DNM3: variants seen among roughly 807,000 people sequenced by gnomAD.
DNM3 encodes dynamin 3.
A neutral mutation model predicts 101.6 loss-of-function variants in DNM3; 47 were observed. That is an observed-to-expected ratio of 0.46 (90% CI 0.37 to 0.59). The LOEUF (loss-of-function observed/expected upper bound fraction) is 0.59. DNM3 is among the 20% of genes least tolerant of loss of function. DNM3 has a pLI of 0.00. For synonymous variants in DNM3, 385 were observed against 387.9 expected, an observed-to-expected ratio of 0.99 and a Z score of 0.09; for missense variants, 849 against 1,085.7, an observed-to-expected ratio of 0.78 and a Z score of 3.06.
At chr1:171,915,753 C>T (rs1284161863) in intron 1 of DNM3, among the ~76,000 whole-genome samples, 1 of 151,932 alleles carries the variant, frequency 6.6e-6, no homozygotes, top group Non-Finnish European at 1.5e-5. Context: ...TGTTTGGTTC[C>T]AGACACCTAG....
chr1:172,186,051 A>T (rs2059511308), intron 14 of DNM3, among the ~76,000 whole-genome samples: 1 of 152,134 alleles, frequency 6.6e-6, no homozygotes, highest in African/African-American at 2.4e-5. Context: ...AAACCAATTT[A>T]TTGTTAATCA....
intron 14 of DNM3, among the ~76,000 whole-genome samples, chr1:172,195,649 C>T (rs895050609): frequency 6.6e-6 from 1 of 151,748 alleles, no homozygotes; most frequent in Non-Finnish European, 1.5e-5. Flanking sequence ...TTGTCAAATG[C>T]TTTTCTTCTG....
At chr1:172,037,466 G>C (rs1004648175) in intron 6 of DNM3, among the ~76,000 whole-genome samples, 1 of 152,042 alleles carries the variant, frequency 6.6e-6, no homozygotes, top group Non-Finnish European at 1.5e-5. Flanking sequence ...TGCATTTCTA[G>C]GAAGTTTATA....
chr1:172,250,961 C>T (rs1360510911), intron 14 of DNM3, among the ~76,000 whole-genome samples: 1 of 152,058 alleles, frequency 6.6e-6, no homozygotes, highest in Non-Finnish European at 1.5e-5. Flanking sequence ...GCTTTGTTTA[C>T]CCCCAATATA....
intron 10 of DNM3, among the ~76,000 whole-genome samples, chr1:172,059,792 G>A (rs2051003918): frequency 7.0e-6 from 1 of 142,442 alleles, no homozygotes; most frequent in African/African-American, 2.7e-5. Context: ...TCACAAGACA[G>A]GGATGCCCTC....
intron 1 of DNM3, among the ~76,000 whole-genome samples, chr1:171,881,354 T>C (rs561984826): frequency 6.6e-5 from 10 of 152,214 alleles, no homozygotes; most frequent in South Asian, 4.1e-4. Flanking sequence ...CTTATGATAT[T>C]GGCCCTTCTT....
At chr1:171,963,976 C>T (rs1347252347) in intron 2 of DNM3, among the ~76,000 whole-genome samples, 1 of 151,984 alleles carries the variant, frequency 6.6e-6, no homozygotes, top group African/African-American at 2.4e-5. Flanking sequence ...ATATTCCTCC[C>T]CTTGAAACTC....
chr1:171,870,752 A>G (rs1280051324), intron 1 of DNM3, among the ~76,000 whole-genome samples: 1 of 152,224 alleles, frequency 6.6e-6, no homozygotes, highest in Non-Finnish European at 1.5e-5. Context: ...AAAATAAAAT[A>G]AAATGCGAAA....
At chr1:172,042,945 A>G (rs2049497287) in intron 8 of DNM3, among the ~76,000 whole-genome samples, 1 of 152,112 alleles carries the variant, frequency 6.6e-6, no homozygotes, top group Admixed American at 6.6e-5. Context: ...AGTGAGGAGA[A>G]CAGTAGGCCA....
At chr1:171,931,070 G>C (rs1310173593) in intron 2 of DNM3, among the ~76,000 whole-genome samples, 2 of 152,078 alleles carry the variant, frequency 1.3e-5, no homozygotes, top group African/African-American at 4.8e-5. Flanking sequence ...ATAACAAAAA[G>C]AGTATACCAC....
At chr1:171,948,188 C>T (rs539521280) in intron 2 of DNM3, among the ~76,000 whole-genome samples, 2 of 152,280 alleles carry the variant, frequency 1.3e-5, no homozygotes, top group South Asian at 2.1e-4. Context: ...ACAAATACAA[C>T]ATTTTAGAGA....
chr1:172,415,552 CAG>C (rs1369884146), downstream of DNM3, among the ~76,000 whole-genome samples: 21 of 59,810 alleles, frequency 3.5e-4, no homozygotes, highest in African/African-American at 8.6e-4. Flanking sequence ...TTTTTTGAGA[CAG>C]AGTCTCACTC....
intron 13 of DNM3, among the ~76,000 whole-genome samples, chr1:172,116,928 G>T (rs74123797): frequency 6.6e-6 from 1 of 151,954 alleles, no homozygotes; most frequent in South Asian, 2.1e-4. Flanking sequence ...TCACTGGGCC[G>T]GACGTGGTGG....
At chr1:171,934,578 G>A (rs555767511) in intron 2 of DNM3, among the ~76,000 whole-genome samples, 1 of 152,264 alleles carries the variant, frequency 6.6e-6, no homozygotes, top group African/African-American at 2.4e-5. Flanking sequence ...ATTAAGGAGC[G>A]CTACTAGCCT....
At chr1:171,933,952 C>T (rs2125379564) in intron 2 of DNM3, among the ~76,000 whole-genome samples, 1 of 152,276 alleles carries the variant, frequency 6.6e-6, no homozygotes, top group East Asian at 1.9e-4. Context: ...CATTTACTGA[C>T]TTTATTCTCT....
chr1:172,008,806 TATATAA>T (rs1302507736), intron 4 of DNM3, among the ~76,000 whole-genome samples: 1 of 120,878 alleles, frequency 8.3e-6, no homozygotes, highest in Non-Finnish European at 1.7e-5. Context: ...TAATATATAA[TATATAA>T]ATATTAATAT....
intron 1 of DNM3, among the ~76,000 whole-genome samples, chr1:171,892,612 A>G (rs1230684581): frequency 6.6e-6 from 1 of 152,188 alleles, no homozygotes; most frequent in East Asian, 1.9e-4. Context: ...CCATCCATCC[A>G]CTTAATTGTT....
chr1:171,854,863 G>T (rs2033422493), intron 1 of DNM3, among the ~76,000 whole-genome samples: 1 of 151,888 alleles, frequency 6.6e-6, no homozygotes, highest in Admixed American at 6.6e-5. Flanking sequence ...CACTGTGCCT[G>T]GCCCAATTTT....
intron 14 of DNM3, among the ~76,000 whole-genome samples, chr1:172,208,442 G>A (rs2060397722): frequency 6.6e-6 from 1 of 152,006 alleles, no homozygotes; most frequent in South Asian, 2.1e-4. Flanking sequence ...AGTAAAGCAG[G>A]TTTACCCTCC....
Sources: allele counts gnomAD v4.1 joint callset (sites outside exome capture counted in the v4.1 genomes callset), GRCh38; gene constraint gnomAD v4.1.1; transcripts MANE v1.5; gene names NCBI Gene and HGNC (gene_info 2026-07-23, HGNC 2026-07-21).